The following DOK1 variants were observed in gnomAD, a reference collection of about 807,000 sequenced individuals.
DOK1 encodes Downstream of tyrosine kinase 1.
A neutral mutation model predicts 24.0 loss-of-function variants in DOK1; 12 were observed. The ratio of observed to expected loss-of-function variants is 0.50; its 90% CI spans 0.32 to 0.81. The LOEUF is 0.81. Ranked by LOEUF, DOK1 falls within the 30% of genes least tolerant of loss-of-function variation. DOK1 has a pLI of 0.03. For synonymous variants in DOK1, 250 were observed against 260.9 expected, an observed-to-expected ratio of 0.96 and a Z score of 0.40; for missense variants, 591 against 620.7, an observed-to-expected ratio of 0.95 and a Z score of 0.51.
At position 74,555,332 on chromosome 2, in the gene DOK1, C is replaced by T. The variant is rs200525020; in HGVS notation, c.239C>T (p.Thr80Ile). 11 of 1,613,806 alleles carry T rather than the reference C, an allele frequency of 6.8e-6. No homozygotes were observed. Among genetic ancestry groups the T allele is most frequent in the African/African-American group, 1.3e-5 (1 of 75,026 alleles). ...AGTGTGGCCCCCGTCACCGTGGAGA[C>T]CCCCCCTGAGCCCGGCGCCACTGCC... ...CVSVAPVTVE[T>I]PPEPGATAFR... The change falls in exon 2 of 5, where the codon ACC (threonine) becomes ATC (isoleucine). Residue 80 changes from threonine to isoleucine, a missense_variant. Thr to Ile is a moderately conservative substitution (Grantham distance 89). Transcript: ENST00000233668. This position sits in a 1 kb window ranked among gnomAD's most constrained non-coding sequence, Gnocchi z 6.1.
Position 74,557,224 on chromosome 2 carries a change from G to T in DOK1, c.*110G>T, listed in dbSNP as rs1475230015. 13 of 1,138,350 alleles carry T rather than the reference G, an allele frequency of 1.1e-5. No homozygotes were observed. Among genetic ancestry groups the T allele is most frequent in the East Asian group, 5.1e-5 (2 of 39,298 alleles). 70.5% of individuals were successfully genotyped at this position (1,138,350 alleles called of 1,614,324 possible). ...GCCAGAGGGTGGGAGGGGCCATGCT[G>T]TGTGAGACCAGGGGACCAGAGGGAT... On this transcript the variant is annotated 3_prime_UTR_variant, in exon 5 of 5. Transcript: ENST00000233668.
upstream of DOK1, chr2:74,550,457 T>A (rs1352644849): frequency 5.3e-6 from 6 of 1,142,514 alleles, no homozygotes; most frequent in African/African-American, 3.1e-5. Flanking sequence ...GCCATGATGA[T>A]CCCATCTTTC....
Position 74,556,329 on chromosome 2 carries a change from G to A in DOK1, c.661G>A (p.Gly221Ser). ...RDKVMFSFEA[G>S]RRCPSGPGTF... Reference sequence around the variant, plus strand: ...TTAGGTCATGTTCTCTTTCGAGGCCGGCCGCCGCTGCCCCTCAGGCCCTGG... The same window carrying A: ...TTAGGTCATGTTCTCTTTCGAGGCCAGCCGCCGCTGCCCCTCAGGCCCTGG... Residue 221 changes from glycine (G) to serine (S), a missense_variant, in exon 5 of 5, where the codon GGC (glycine) becomes AGC (serine). Transcript: ENST00000233668. This position sits in a 1 kb window ranked among gnomAD's most constrained non-coding sequence, Gnocchi z 4.1. 6 of 1,612,624 alleles carry A rather than the reference G, an allele frequency of 3.7e-6. No individual in the cohort carries two copies. The highest frequency in any genetic ancestry group is 5.1e-6 in the Non-Finnish European group (6 of 1,179,286).
rs202164682 is a variant in DOK1 at position 74,555,227 on chromosome 2, A to G, written c.134A>G (p.His45Arg). The G allele has an allele frequency of 8.1e-6, 13 of 1,613,708 alleles. No homozygotes were observed. Among genetic ancestry groups the G allele is most frequent in the African/African-American group, 1.3e-5 (1 of 75,044 alleles). Residue 45 changes from histidine to arginine, a missense_variant, in exon 2 of 5, where the codon CAT becomes CGT. Transcript: ENST00000233668. The surrounding 1 kb of genome is among the most constrained non-coding windows in gnomAD (Gnocchi z 6.1). ...GTAGCGCGGCTCGAGTTCTTTGACC[A>G]TAAGGGGTCGAGCTCTGGGGGTGGC... ...HGVARLEFFD[H>R]KGSSSGGGRG...
At position 74,557,129 on chromosome 2, in the gene DOK1, C is replaced by A; in HGVS notation, c.*15C>A. On this transcript the variant is annotated 3_prime_UTR_variant, in exon 5 of 5. Transcript: ENST00000233668. The stretch of plus-strand genomic sequence containing the variant: ...GCTCTACCTGAGAAGGACGGCAAGG[C>A]TGAGGTGGCTAAGGGGGACCATGGG... 1 of 1,595,716 alleles carries A rather than the reference C, an allele frequency of 6.3e-7. No homozygotes were observed. The highest frequency in any genetic ancestry group is 1.3e-5 in the African/African-American group (1 of 74,418).
rs1360521366 is a variant in DOK1 at position 74,554,922 on chromosome 2, A to G, written c.60+108A>G. On this transcript the variant is annotated intron_variant, in intron 1 of 4. Coordinates refer to ENST00000233668, the MANE Select transcript of DOK1 (RefSeq NM_001381.5). This position sits in a 1 kb window ranked among gnomAD's most constrained non-coding sequence, Gnocchi z 4.9. ...GCTGGAGAGCGGCGCCGGGAGTTGG[A>G]GAGCCTGTGACTTTCCCGTGAAGTT... 1 of 1,541,548 alleles carries G rather than the reference A, an allele frequency of 6.5e-7. No individual in the cohort carries two copies. Among genetic ancestry groups the G allele is most frequent in the African/African-American group, 1.4e-5 (1 of 72,912 alleles).
At chr2:74,551,880 T>C (rs1207965475), upstream of DOK1, among the ~76,000 whole-genome samples, 1 of 152,272 alleles carries the variant, frequency 6.6e-6, no homozygotes, top group Admixed American at 6.5e-5. Flanking sequence ...ACCACCTTGT[T>C]AGTTTTAGCT....
In DOK1 at chr2:74,549,646, C is replaced by T; in HGVS notation, c.-358+474C>T. ...GGCACCTTTCATGTGTCCCGCCGCC[C>T]TTAAGGAACCCTGCTTGGTGTGCCT... is the stretch of plus-strand genomic sequence containing the variant. On this transcript the variant is annotated intron_variant, in intron 1 of 4. Coordinates refer to the DOK1 transcript ENST00000409429. The surrounding 1 kb of genome is among the most constrained non-coding windows in gnomAD (Gnocchi z 5.3). 6.5e-7 allele frequency: 1 copy of T among 1,527,012 alleles called. No individual in the cohort carries two copies. The highest frequency in any genetic ancestry group is 8.9e-7 in the Non-Finnish European group (1 of 1,129,442). The allele number at this position is 1,527,012 out of a possible 1,614,324, so 94.6% of individuals were successfully genotyped here.
Position 74,555,519 on chromosome 2 carries a change from C to A in DOK1, c.361-56C>A. 1.2e-6 allele frequency: 2 copies of A among 1,612,766 alleles called. No individual in the cohort carries two copies. Among genetic ancestry groups the A allele is most frequent in the South Asian group, 2.2e-5 (2 of 90,902 alleles). On this transcript the variant is annotated intron_variant, in intron 2 of 4. Transcript: ENST00000233668. The surrounding 1 kb of genome is among the most constrained non-coding windows in gnomAD (Gnocchi z 6.1). ...GGCAGAGAAATGGGGCTGCCTCAGA[C>A]CGACCCCCGCTCCCCGCTGAGGAAA...
Position 74,554,782 on chromosome 2 carries a change from C to CT in DOK1, c.35dup (p.Leu12PhefsTer33), listed in dbSNP as rs759252474. 8.7e-6 allele frequency: 14 copies of CT among 1,613,988 alleles called. No homozygotes were observed. Among genetic ancestry groups the CT allele is most frequent in the South Asian group, 3.3e-5 (3 of 91,074 alleles). ...GGACGGAGCAGTGATGGAAGGGCCG[C>CT]TTTTTTTGCAGAGTCAGCGCTTTGG... On this transcript the variant is annotated frameshift_variant, in exon 1 of 5. Coordinates refer to ENST00000233668, the MANE Select transcript of DOK1 (RefSeq NM_001381.5). LOFTEE classifies it high-confidence loss of function. This position sits in a 1 kb window ranked among gnomAD's most constrained non-coding sequence, Gnocchi z 4.9.
chr2:74,554,081 T>TCCTCCTCTGGGTCCTCCCTCC (rs1297031976), upstream of DOK1: 3 of 149,740 alleles, frequency 2.0e-5, no homozygotes, highest in African/African-American at 7.5e-5. The surrounding 1 kb of genome is among the most constrained non-coding windows in gnomAD (Gnocchi z 4.9). Context: ...TTCCCTCCTC[T>TCCTCCTCTGGGTCCTCCCTCC]CCTCCTCTGG....
At chr2:74,550,036 C>T (rs1388765249), upstream of DOK1, 5 of 1,471,296 alleles carry the variant, frequency 3.4e-6, no homozygotes, top group Non-Finnish European at 4.5e-6. Flanking sequence ...TTTACAGCAT[C>T]TGGGAGCTCT....
rs1360087040 is a variant in DOK1, at chr2:74,549,238, T to C, written c.-358+66T>C. ...CCAACTCTCCAGCTTTGCAACGGCC[T>C]CCATATTTTCCCGCGCGTCCCGACC... On this transcript the variant is annotated intron_variant, in intron 1 of 4. Transcript: ENST00000409429. This position sits in a 1 kb window ranked among gnomAD's most constrained non-coding sequence, Gnocchi z 5.3. 9.7e-7 allele frequency: 1 copy of C among 1,033,312 alleles called. No homozygotes were observed. The highest frequency in any genetic ancestry group is 1.3e-6 in the Non-Finnish European group (1 of 742,604). The allele number at this position is 1,033,312 out of a possible 1,614,324, so 64.0% of individuals were successfully genotyped here.
At chr2:74,549,766 G>T (rs764353532), upstream of DOK1, 52 of 1,429,920 alleles carry the variant, frequency 3.6e-5, no homozygotes, top group Non-Finnish European at 4.8e-5. This position sits in a 1 kb window ranked among gnomAD's most constrained non-coding sequence, Gnocchi z 5.3. Context: ...GCAGCCAGCA[G>T]CGCGTGGGAT....
upstream of DOK1, chr2:74,552,653 G>A (rs1331366843): frequency 1.3e-6 from 2 of 1,520,772 alleles, no homozygotes; most frequent in Non-Finnish European, 1.8e-6. Flanking sequence ...AGGCCTGGGT[G>A]CCCCAGAGAC....
rs1677305524 is a variant in DOK1 at position 74,554,892 on chromosome 2, A to G, written c.60+78A>G. ...AGCCCAGAAACAGGGAGAGGTGGGCAGCGGGCTGGAGAGCGGCGCCGGGAG... is the reference window on the plus strand; with the variant it reads ...AGCCCAGAAACAGGGAGAGGTGGGCGGCGGGCTGGAGAGCGGCGCCGGGAG... On this transcript the variant is annotated intron_variant, in intron 1 of 4. Transcript: ENST00000233668. The surrounding 1 kb of genome is among the most constrained non-coding windows in gnomAD (Gnocchi z 4.9). The G allele has an allele frequency of 5.7e-6, 9 of 1,587,652 alleles. No homozygotes were observed. The East Asian group carries it at 2.1e-4, about 37-fold the overall frequency.
chr2:74,556,579 G>A lies in DOK1; in HGVS notation c.911G>A (p.Arg304His), dbSNP rs1178518890. 5 of 1,614,184 alleles carry A rather than the reference G, an allele frequency of 3.1e-6. No individual in the cohort carries two copies. Among genetic ancestry groups the A allele is most frequent in the African/African-American group, 1.3e-5 (1 of 75,044 alleles). Residue 304 changes from arginine to histidine, a missense_variant, in exon 5 of 5, where the codon CGC becomes CAC. Arg to His is a conservative substitution (Grantham distance 29). Transcript: ENST00000233668. This position sits in a 1 kb window ranked among gnomAD's most constrained non-coding sequence, Gnocchi z 4.1. ...ALYAEPLDSLRIAPCPSQDSL... is the reference protein window; with the variant it reads ...ALYAEPLDSLHIAPCPSQDSL... Reference sequence around the variant, plus strand: ...TATGCTGAGCCCTTAGACTCCCTGCGCATTGCTCCATGCCCTTCCCAGGAC... The same window carrying A: ...TATGCTGAGCCCTTAGACTCCCTGCACATTGCTCCATGCCCTTCCCAGGAC...
Position 74,549,386 on chromosome 2 carries a change from G to A in DOK1, c.-358+214G>A. The A allele has an allele frequency of 6.2e-7, 1 of 1,608,536 alleles. No individual in the cohort carries two copies. The highest frequency in any genetic ancestry group is 8.5e-7 in the Non-Finnish European group (1 of 1,177,348). ...CCCCTCACCTGTAGAAGGCCGCGTT[G>A]ACCCTCTTTTCGCTGGGGAAGCCCA... is the stretch of plus-strand genomic sequence containing the variant. On this transcript the variant is annotated intron_variant, in intron 1 of 4. Transcript: ENST00000409429. This position sits in a 1 kb window ranked among gnomAD's most constrained non-coding sequence, Gnocchi z 5.3.
upstream of DOK1, chr2:74,552,870 A>G: frequency 2.3e-5 from 12 of 516,884 alleles, no homozygotes; most frequent in South Asian, 3.3e-4. Context: ...AGAGACCCAG[A>G]GATAAGAGAC....
Sources: gnomAD v4.1 joint callset for allele counts (sites outside exome capture counted in the v4.1 genomes callset) on GRCh38, gnomAD v4.1.1 for gene constraint, Gnocchi (gnomAD v3.1) non-coding constraint, MANE v1.5 for transcripts, NCBI Gene and HGNC (gene_info 2026-07-23, HGNC 2026-07-21) for gene names.